SORCS1: variants seen among roughly 807,000 people sequenced by gnomAD.
The protein encoded by SORCS1 is VPS10 domain-containing receptor SorCS1.
Under a neutral mutation model 146.1 loss-of-function variants are expected in SORCS1, and 60 were observed. The ratio of observed to expected loss-of-function variants is 0.41; its 90% CI spans 0.33 to 0.51. The LOEUF (loss-of-function observed/expected upper bound fraction) is 0.51, where lower values mean the gene tolerates loss of function less well. Among genes scored for constraint, SORCS1 ranks in the 20% least tolerant of loss-of-function variants. The pLI is 0.21. For missense variants in SORCS1, 1,352 were observed against 1,487.6 expected (o/e 0.91, Z 1.50); for synonymous variants, 637 against 584.0 (o/e 1.09, Z -1.31).
At chr10:106,995,367 G>C (rs1289063005) in intron 1 of SORCS1, among the ~76,000 whole-genome samples, 3 of 151,576 alleles carry the variant, frequency 2.0e-5, no homozygotes, top group African/African-American at 7.3e-5. Context: ...AACAGCCTTA[G>C]AAATGAGTTT....
At chr10:106,813,128 C>CTTTTTTTTTTTT (rs71025557) in intron 3 of SORCS1, among the ~76,000 whole-genome samples, 2 of 98,744 alleles carry the variant, frequency 2.0e-5, no homozygotes, top group African/African-American at 3.9e-5. Flanking sequence ...CTTCTCTTTT[C>CTTTTTTTTTTTT]TTTTTTTTTT....
intron 2 of SORCS1, among the ~76,000 whole-genome samples, chr10:106,910,579 A>C (rs1448497930): frequency 6.6e-6 from 1 of 152,136 alleles, no homozygotes; most frequent in Non-Finnish European, 1.5e-5. Flanking sequence ...AGTTAATATA[A>C]CCGTCGCTCA....
chr10:106,863,361 G>A (rs1423102127), intron 2 of SORCS1, among the ~76,000 whole-genome samples: 1 of 151,938 alleles, frequency 6.6e-6, no homozygotes, highest in Non-Finnish European at 1.5e-5. Context: ...CCTGTCTGTA[G>A]TAAAAGTACA....
intron 18 of SORCS1, among the ~76,000 whole-genome samples, chr10:106,640,112 C>A (rs1478148538): frequency 6.6e-6 from 1 of 152,142 alleles, no homozygotes; most frequent in Non-Finnish European, 1.5e-5. Context: ...AGCCTTTTCT[C>A]CAGATGAAAA....
chr10:106,751,159 GA>G (rs1482730320), intron 5 of SORCS1, among the ~76,000 whole-genome samples: 3 of 139,820 alleles, frequency 2.1e-5, no homozygotes, highest in South Asian at 4.8e-4. Flanking sequence ...AATAAAAAAA[GA>G]AGAAGAAATA....
intron 1 of SORCS1, among the ~76,000 whole-genome samples, chr10:107,016,528 A>G (rs185345529): frequency 2.0e-5 from 3 of 152,300 alleles, no homozygotes; most frequent in Non-Finnish European, 4.4e-5. Flanking sequence ...AAAATCAATT[A>G]TAGGTCGATT....
At chr10:107,014,822 T>C (rs547256993) in intron 1 of SORCS1, among the ~76,000 whole-genome samples, 79 of 152,372 alleles carry the variant, frequency 5.2e-4, no homozygotes, top group African/African-American at 1.9e-3. Context: ...ACTTATTGCA[T>C]ACAATTTGAT....
At chr10:106,978,397 G>A (rs758814169) in intron 1 of SORCS1, among the ~76,000 whole-genome samples, 11 of 152,140 alleles carry the variant, frequency 7.2e-5, no homozygotes, top group Non-Finnish European at 1.0e-4. Flanking sequence ...TATGGAAAAC[G>A]ATTATAGATT....
chr10:107,050,095 C>T (rs939976614), intron 1 of SORCS1, among the ~76,000 whole-genome samples: 19 of 152,120 alleles, frequency 1.2e-4, no homozygotes, highest in African/African-American at 4.1e-4. Context: ...TCTAATCAGC[C>T]AAAAACCTTA....
intron 1 of SORCS1, among the ~76,000 whole-genome samples, chr10:107,117,421 C>T (rs573758133): frequency 5.9e-5 from 9 of 152,300 alleles, no homozygotes; most frequent in African/African-American, 1.9e-4. Context: ...GGGATCATTG[C>T]TTTGCTCTCA....
At chr10:106,838,278 C>T (rs536545199) in intron 2 of SORCS1, among the ~76,000 whole-genome samples, 2 of 152,202 alleles carry the variant, frequency 1.3e-5, no homozygotes, top group South Asian at 4.1e-4. Flanking sequence ...AATTAATAAC[C>T]TTGATTTTTA....
intron 1 of SORCS1, among the ~76,000 whole-genome samples, chr10:107,011,201 G>T (rs1177405700): frequency 2.0e-5 from 3 of 152,002 alleles, no homozygotes; most frequent in African/African-American, 7.3e-5. Context: ...CTCTTTCTTG[G>T]GTCTGTTTTA....
At chr10:107,172,236 T>C in the SORCS1 span, among the ~76,000 whole-genome samples, 1 of 152,230 alleles carries the variant, frequency 6.6e-6, no homozygotes, top group African/African-American at 2.4e-5. Context: ...TTAACTACTT[T>C]TGTTTCTTTG....
chr10:106,882,470 A>C (rs1950843378), intron 2 of SORCS1, among the ~76,000 whole-genome samples: 1 of 152,038 alleles, frequency 6.6e-6, no homozygotes, highest in African/African-American at 2.4e-5. Flanking sequence ...CTCATTTGCA[A>C]TTTTTCAACT....
At chr10:106,623,690 G>C (rs371345489) in intron 19 of SORCS1, among the ~76,000 whole-genome samples, 182 of 151,888 alleles carry the variant, frequency 1.2e-3, no homozygotes, top group Middle Eastern at 0.01. Flanking sequence ...TTTTGAGACA[G>C]AGTCTCCCTC....
At chr10:106,606,378 A>G (rs1846593475) in intron 23 of SORCS1, among the ~76,000 whole-genome samples, 2 of 152,054 alleles carry the variant, frequency 1.3e-5, no homozygotes, top group Non-Finnish European at 2.9e-5. Context: ...ACAGGGCAGT[A>G]GAGTTGCTCG....
intron 1 of SORCS1, among the ~76,000 whole-genome samples, chr10:107,038,700 G>GA (rs1215413140): frequency 5.2e-5 from 1 of 19,174 alleles, no homozygotes; most frequent in Non-Finnish European, 1.2e-4. Context: ...AGGGGGCGGG[G>GA]GGGGAGGTGG....
At chr10:106,953,144 TG>T (rs1954777257) in intron 2 of SORCS1, among the ~76,000 whole-genome samples, 8 of 11,928 alleles carry the variant, frequency 6.7e-4, no homozygotes, top group African/African-American at 4.5e-3. Context: ...GTGGGTATAG[TG>T]TGTGTGTGTG....
intron 5 of SORCS1, among the ~76,000 whole-genome samples, chr10:106,757,713 T>A (rs944218281): frequency 5.3e-5 from 8 of 152,212 alleles, no homozygotes; most frequent in African/African-American, 1.4e-4. Context: ...CTCTCACCAC[T>A]GATATGCCTG....
Sources: allele counts gnomAD v4.1 joint callset (sites outside exome capture counted in the v4.1 genomes callset), GRCh38; gene constraint gnomAD v4.1.1; transcripts MANE v1.5; gene names NCBI Gene and HGNC (gene_info 2026-07-23, HGNC 2026-07-21).